Variants in ZFPM2 observed in about 807,000 individuals in gnomAD.
ZFPM2 encodes the protein zinc finger protein, FOG family member 2.
In ZFPM2, 20 loss-of-function variants were observed where a neutral mutation model predicts 98.6. The observed-to-expected ratio is 0.20, with a 90% CI of 0.14 to 0.29. The LOEUF is 0.29. Ranked by LOEUF, ZFPM2 falls within the 10% of genes least tolerant of loss-of-function variation. The pLI is 1.00. For missense variants in ZFPM2, 1,310 were observed against 1,388.6 expected (o/e 0.94, Z 0.90); for synonymous variants, 518 against 502.7 (o/e 1.03, Z -0.41).
chr8:105,594,097 C>T (rs762515409), intron 4 of ZFPM2, among the ~76,000 whole-genome samples: 51 of 152,052 alleles, frequency 3.4e-4, no homozygotes, highest in African/African-American at 6.0e-4. Flanking sequence ...TTACCTTGTT[C>T]GTTGACAAAG....
chr8:105,729,863 ACTCT>A (rs1326519516), intron 5 of ZFPM2, among the ~76,000 whole-genome samples: 1 of 151,048 alleles, frequency 6.6e-6, no homozygotes, highest in Non-Finnish European at 1.5e-5. Context: ...GTATATGCAT[ACTCT>A]CTCTATTAAA....
intron 5 of ZFPM2, among the ~76,000 whole-genome samples, chr8:105,733,436 A>G (rs535684769): frequency 4.1e-4 from 62 of 151,954 alleles, no homozygotes; most frequent in South Asian, 1.0e-3. Flanking sequence ...AGCCTTATTT[A>G]CCAATAAACC....
intron 5 of ZFPM2, among the ~76,000 whole-genome samples, chr8:105,766,364 G>A (rs1463049059): frequency 6.6e-6 from 1 of 151,864 alleles, no homozygotes; most frequent in East Asian, 1.9e-4. Flanking sequence ...TGATAGCTAG[G>A]ATGACAATTT....
intron 1 of ZFPM2, chr8:105,418,424 A>G: frequency 4.9e-6 from 2 of 407,610 alleles, no homozygotes; most frequent in Admixed American, 3.3e-5. Flanking sequence ...TTTCCTTTCA[A>G]TAAAATAGGT....
chr8:105,582,888 C>T (rs1011954723), intron 4 of ZFPM2, among the ~76,000 whole-genome samples: 7 of 152,160 alleles, frequency 4.6e-5, no homozygotes, highest in Non-Finnish European at 7.3e-5. Context: ...GCCACCGTGC[C>T]CCTCCTGTTT....
intron 5 of ZFPM2, among the ~76,000 whole-genome samples, chr8:105,730,993 A>G (rs1811921686): frequency 1.3e-5 from 2 of 151,564 alleles, no homozygotes; most frequent in African/African-American, 4.8e-5. Context: ...AATACTTCTC[A>G]GTTCAACACT....
intron 5 of ZFPM2, among the ~76,000 whole-genome samples, chr8:105,640,895 C>A (rs932838522): frequency 6.6e-6 from 1 of 151,948 alleles, no homozygotes; most frequent in Non-Finnish European, 1.5e-5. Flanking sequence ...TTTAACTATT[C>A]AGTAATTCAT....
chr8:105,727,304 C>A (rs2131007534), intron 5 of ZFPM2, among the ~76,000 whole-genome samples: 1 of 151,540 alleles, frequency 6.6e-6, no homozygotes, highest in Admixed American at 6.6e-5. Flanking sequence ...ATAGTCATTG[C>A]ACTCCAACTG....
intron 5 of ZFPM2, among the ~76,000 whole-genome samples, chr8:105,666,028 G>GTTGATATTATTTGAATCA (rs547756254): frequency 3.9e-5 from 6 of 152,018 alleles, no homozygotes; most frequent in Non-Finnish European, 4.4e-5. Flanking sequence ...TGTTATTTGA[G>GTTGATATTATTTGAATCA]TTGATATTAT....
chr8:105,483,038 C>CCTTCCTTCCTTCCTTCCTTT (rs1813156026), intron 3 of ZFPM2, among the ~76,000 whole-genome samples: 1 of 130,764 alleles, frequency 7.6e-6, no homozygotes, highest in Non-Finnish European at 1.6e-5. Context: ...TTCCTTCCTT[C>CCTTCCTTCCTTCCTTCCTTT]TTTATTTTAA....
chr8:105,382,904 A>T (rs1810915355), intron 1 of ZFPM2, among the ~76,000 whole-genome samples: 1 of 152,150 alleles, frequency 6.6e-6, no homozygotes, highest in Admixed American at 6.5e-5. Flanking sequence ...CGAGTGGAAC[A>T]TTAAAGGTGT....
chr8:105,625,441 C>G (rs1443687623), intron 4 of ZFPM2, among the ~76,000 whole-genome samples: 2 of 152,030 alleles, frequency 1.3e-5, no homozygotes, highest in Non-Finnish European at 2.9e-5. Context: ...TAAAGGACAT[C>G]CCAATTTAAT....
chr8:105,634,256 C>T lies in ZFPM2; in HGVS notation c.431C>T (p.Ala144Val), dbSNP rs766439846. Residue 144 changes from alanine (A) to valine (V), a missense_variant, in exon 5 of 8, where the codon GCT becomes GTT. Physicochemically the swap from Ala to Val is moderately conservative, Grantham distance 64. Transcript: ENST00000407775. ...DLNNNSLKTKAQVPMVLTAGP... is the reference protein window; with the variant it reads ...DLNNNSLKTKVQVPMVLTAGP... ...TCATTCTTTCTACAGAAGACAAAGG[C>T]TCAGGTCCCAATGGTGCTGACTGCT... The T allele has an allele frequency of 6.8e-6, 11 of 1,611,816 alleles. No homozygotes were observed. Among genetic ancestry groups the T allele is most frequent in the African/African-American group, 1.3e-5 (1 of 74,874 alleles).
chr8:105,471,971 A>T (rs2130350702), intron 3 of ZFPM2, among the ~76,000 whole-genome samples: 1 of 152,270 alleles, frequency 6.6e-6, no homozygotes, highest in East Asian at 1.9e-4. Flanking sequence ...AGTGTTTCAA[A>T]AAATGTGGTC....
intron 1 of ZFPM2, among the ~76,000 whole-genome samples, chr8:105,398,352 T>G (rs1460147360): frequency 5.3e-5 from 8 of 152,336 alleles, no homozygotes; most frequent in African/African-American, 1.9e-4. Context: ...GATTTACAGA[T>G]TTTGAAATCA....
At chr8:105,710,834 C>T (rs975473046) in intron 5 of ZFPM2, among the ~76,000 whole-genome samples, 2 of 151,944 alleles carry the variant, frequency 1.3e-5, no homozygotes, top group African/African-American at 4.8e-5. Context: ...TCAGTTTCCT[C>T]ATCATTGAAG....
chr8:105,552,030 A>C (rs1814866612), intron 3 of ZFPM2, among the ~76,000 whole-genome samples: 1 of 152,200 alleles, frequency 6.6e-6, no homozygotes, highest in African/African-American at 2.4e-5. Flanking sequence ...CTACGTGTTG[A>C]CTAAATAAAT....
intron 4 of ZFPM2, among the ~76,000 whole-genome samples, chr8:105,630,491 A>G (rs1420406978): frequency 6.6e-6 from 1 of 152,198 alleles, no homozygotes; most frequent in Non-Finnish European, 1.5e-5. Context: ...GCTTGGGTAT[A>G]GCTTTCAGCA....
intron 1 of ZFPM2, among the ~76,000 whole-genome samples, chr8:105,341,702 G>A (rs1229638295): frequency 6.6e-6 from 1 of 151,942 alleles, no homozygotes; most frequent in Non-Finnish European, 1.5e-5. Context: ...GTAGCAGTTG[G>A]TGAAACTTTT....
Sources: gnomAD v4.1 joint callset for allele counts (sites outside exome capture counted in the v4.1 genomes callset) on GRCh38, gnomAD v4.1.1 for gene constraint, MANE v1.5 for transcripts, NCBI Gene and HGNC (gene_info 2026-07-23, HGNC 2026-07-21) for gene names.